The following EYS variants were observed in gnomAD, a reference collection of about 807,000 sequenced individuals.
The protein encoded by EYS is EGF-like photoreceptor maintenance factor.
EYS carries 250 observed loss-of-function variants against 282.1 expected under a neutral mutation model. The observed-to-expected ratio is 0.89, with a 90% CI of 0.80 to 0.98. The LOEUF (loss-of-function observed/expected upper bound fraction) is 0.98. Among genes scored for constraint, EYS ranks in the 50% least tolerant of loss-of-function variants. The pLI is 0.00. For missense variants in EYS, 4,016 were observed against 3,709.0 expected, an observed-to-expected ratio of 1.08 and a Z score of -2.15; for synonymous variants, 1,355 against 1,282.9, an observed-to-expected ratio of 1.06 and a Z score of -1.20.
At chr6:64,772,067 C>CT (rs1196868860) in intron 22 of EYS, among the ~76,000 whole-genome samples, 1 of 151,490 alleles carries the variant, frequency 6.6e-6, no homozygotes, top group East Asian at 1.9e-4. Context: ...ATCCTTCTTT[C>CT]TTTTTTGGCA....
At position 64,997,567 on chromosome 6, in the gene EYS, C is replaced by G. The variant is rs1233252805; in HGVS notation, c.2259+15G>C. Reference sequence around the variant, plus strand: ...AGTCCACATTTAGGTATATAAAAAGCCAGTGGATACTAACGAGATGCAGGT... The same window carrying G: ...AGTCCACATTTAGGTATATAAAAAGGCAGTGGATACTAACGAGATGCAGGT... On this transcript the variant is annotated intron_variant, in intron 14 of 42. Transcript: ENST00000503581. 1 of 1,549,426 alleles carries G rather than the reference C, an allele frequency of 6.5e-7. No homozygotes were observed. The highest frequency in any genetic ancestry group is 8.7e-7 in the Non-Finnish European group (1 of 1,145,446).
intron 2 of EYS, among the ~76,000 whole-genome samples, chr6:65,562,313 G>A (rs1171632321): frequency 2.0e-5 from 3 of 151,940 alleles, no homozygotes; most frequent in Non-Finnish European, 4.4e-5. Flanking sequence ...ATATAGCAGG[G>A]TACATATCAC....
At chr6:63,998,700 T>C (rs1267608359) in intron 34 of EYS, among the ~76,000 whole-genome samples, 2 of 152,158 alleles carry the variant, frequency 1.3e-5, no homozygotes, top group East Asian at 3.8e-4. Context: ...AACGGCCTTT[T>C]TTAACAGTGC....
intron 12 of EYS, among the ~76,000 whole-genome samples, chr6:65,218,693 C>T (rs1479655189): frequency 6.6e-6 from 1 of 152,050 alleles, no homozygotes; most frequent in African/African-American, 2.4e-5. Context: ...GTGAGAAAGA[C>T]AAATCGTTAC....
intron 12 of EYS, among the ~76,000 whole-genome samples, chr6:65,192,920 T>C (rs908680012): frequency 2.6e-5 from 4 of 151,826 alleles, no homozygotes; most frequent in African/African-American, 9.7e-5. Context: ...GTTGGGAACA[T>C]GTTAACTCCA....
At chr6:64,257,290 G>A (rs773318003) in intron 30 of EYS, among the ~76,000 whole-genome samples, 9 of 151,946 alleles carry the variant, frequency 5.9e-5, no homozygotes, top group Non-Finnish European at 1.0e-4. Flanking sequence ...TTCATGATCC[G>A]TCTATTCTCT....
At chr6:65,385,569 T>C (rs1216031796) in intron 7 of EYS, among the ~76,000 whole-genome samples, 1 of 151,968 alleles carries the variant, frequency 6.6e-6, no homozygotes, top group East Asian at 1.9e-4. Flanking sequence ...TCTCATTCAA[T>C]TATTGTAAGT....
intron 19 of EYS, among the ~76,000 whole-genome samples, chr6:64,863,556 T>C (rs1482434388): frequency 6.6e-6 from 1 of 152,212 alleles, no homozygotes; most frequent in African/African-American, 2.4e-5. Context: ...ATCGTTCAGT[T>C]TGAGCTGGTG....
chr6:64,213,861 C>T (rs1765855091), intron 31 of EYS, among the ~76,000 whole-genome samples: 1 of 152,032 alleles, frequency 6.6e-6, no homozygotes, highest in Non-Finnish European at 1.5e-5. Context: ...ATACACATAA[C>T]GGTTTGGGCT....
chr6:65,266,989 T>TATAG (rs144200033), intron 12 of EYS, among the ~76,000 whole-genome samples: 95 of 142,128 alleles, frequency 6.7e-4, no homozygotes, highest in African/African-American at 2.2e-3. Context: ...TATATATATA[T>TATAG]AGAGAGAGAG....
chr6:64,142,386 T>G (rs1774365756), intron 31 of EYS, among the ~76,000 whole-genome samples: 1 of 151,828 alleles, frequency 6.6e-6, no homozygotes, highest in African/African-American at 2.4e-5. Flanking sequence ...GCCAGAAAAG[T>G]GCTACAAGAC....
chr6:64,798,274 CT>C (rs1236682014), intron 22 of EYS, among the ~76,000 whole-genome samples: 1 of 151,768 alleles, frequency 6.6e-6, no homozygotes, highest in Non-Finnish European at 1.5e-5. Context: ...TCCTTATCTT[CT>C]TTTTCATAAA....
At chr6:63,971,170 A>G (rs184159336) in intron 35 of EYS, among the ~76,000 whole-genome samples, 138 of 152,330 alleles carry the variant, frequency 9.1e-4, no homozygotes, top group Non-Finnish European at 1.8e-3. Context: ...CAAGCCCAGC[A>G]ATGGAGAACT....
chr6:64,015,294 G>GA (rs1768839681), intron 33 of EYS, among the ~76,000 whole-genome samples: 2 of 152,164 alleles, frequency 1.3e-5, no homozygotes, highest in African/African-American at 4.8e-5. Flanking sequence ...CATATAAAGA[G>GA]AAAAATCACT....
chr6:65,001,384 T>G (rs1163042602), intron 13 of EYS, among the ~76,000 whole-genome samples: 1 of 147,008 alleles, frequency 6.8e-6, no homozygotes, highest in Non-Finnish European at 1.5e-5. Flanking sequence ...GTGGCCAAAC[T>G]CCTCTCTGAC....
intron 21 of EYS, chr6:64,815,243 A>G: frequency 2.2e-6 from 1 of 463,754 alleles, no homozygotes; most frequent in African/African-American, 2.0e-5. Flanking sequence ...ACTTGTTAAG[A>G]AAAACCAAGA....
At chr6:64,396,161 ATAGTT>A (rs1440521836) in intron 28 of EYS, among the ~76,000 whole-genome samples, 3 of 152,142 alleles carry the variant, frequency 2.0e-5, no homozygotes, top group South Asian at 2.1e-4. Context: ...TTTGAATTGA[ATAGTT>A]TATTTATTTT....
In EYS at chr6:63,872,313, T is replaced by G. The variant is rs552898467; in HGVS notation, c.7056-7955A>C. Among the ~76,000 whole-genome samples, 22 of 150,438 alleles carry G rather than the reference T, an allele frequency of 1.5e-4. No homozygotes were observed. The East Asian group carries it at 3.1e-3, about 21-fold the overall frequency. The stretch of plus-strand genomic sequence containing the variant: ...CCATCGTGCTCTGCATACCAGGTGG[T>G]GTGTGTGTGTGTGTGCACAAGTGTG... On this transcript the variant is annotated intron_variant, in intron 35 of 42. Coordinates refer to ENST00000503581, the MANE Select transcript of EYS (RefSeq NM_001142800.2).
Position 63,738,351 on chromosome 6 carries a change from T to A in EYS, c.8072-11671A>T, listed in dbSNP as rs559675600. On this transcript the variant is annotated intron_variant, in intron 41 of 42. Coordinates refer to ENST00000503581, the MANE Select transcript of EYS (RefSeq NM_001142800.2). ...TGGAACCAACACAAATGTCCAACAA[T>A]GATAGACTGGATTAAGAAAATGTGG... Among the ~76,000 whole-genome samples the A allele has an allele frequency of 1.1e-4, 16 of 152,080 alleles. 1 individual carries two copies. The South Asian group carries it at 3.3e-3, about 32-fold the overall frequency.
Sources: gnomAD v4.1 joint callset for allele counts (sites outside exome capture counted in the v4.1 genomes callset) on GRCh38, gnomAD v4.1.1 for gene constraint, MANE v1.5 for transcripts, NCBI Gene and HGNC (gene_info 2026-07-23, HGNC 2026-07-21) for gene names.